RASGRP1: variants seen among roughly 807,000 people sequenced by gnomAD.
RASGRP1 encodes RAS guanyl-releasing protein 1.
RASGRP1 carries 37 observed loss-of-function variants against 95.1 expected under a neutral mutation model. The observed-to-expected ratio is 0.39, with a 90% confidence interval of 0.30 to 0.51. The LOEUF (loss-of-function observed/expected upper bound fraction) is 0.51. Among genes scored for constraint, RASGRP1 ranks in the 20% least tolerant of loss-of-function variants. The probability of loss-of-function intolerance (pLI) is 0.80; values close to 1 mark genes in which losing one functional copy is unlikely to be tolerated. For missense variants in RASGRP1, 711 were observed against 965.4 expected (o/e 0.74, Z 3.49); for synonymous variants, 325 against 353.4 (o/e 0.92, Z 0.90).
intron 2 of RASGRP1, among the ~76,000 whole-genome samples, chr15:38,535,445 G>A (rs1892607660): frequency 6.6e-6 from 1 of 152,092 alleles, no homozygotes; most frequent in Admixed American, 6.5e-5. Context: ...TCCTTAGAAA[G>A]CCTAATCCTT....
chr15:38,523,357 C>A lies in RASGRP1; in HGVS notation c.326+2942G>T, dbSNP rs759569970. On this transcript the variant is annotated intron_variant, in intron 3 of 16. Coordinates refer to ENST00000310803, the MANE Select transcript of RASGRP1 (RefSeq NM_005739.4). ...TGTATACTTGTGTCTTAGATTTTGA[C>A]AACAAAGTTTAAAAAGTTAATAAAC... is the stretch of plus-strand genomic sequence containing the variant. Among the ~76,000 whole-genome samples the A allele has an allele frequency of 1.3e-5, 2 of 151,910 alleles. 1 individual carries two copies. Among genetic ancestry groups the A allele is most frequent in the Admixed American group, 1.3e-4 (2 of 15,262 alleles).
chr15:38,501,419 G>T, intron 12 of RASGRP1, 132 bp from the exon 13 acceptor site: 1 of 1,050,774 alleles, frequency 9.5e-7, no homozygotes, highest in Non-Finnish European at 1.4e-6. Flanking sequence ...GCTACCTCAT[G>T]ATTACTTCCA....
At chr15:38,535,298 C>A (rs1382821105) in intron 2 of RASGRP1, among the ~76,000 whole-genome samples, 2 of 152,066 alleles carry the variant, frequency 1.3e-5, no homozygotes, top group Non-Finnish European at 2.9e-5. Context: ...AAGAGCTCTA[C>A]CATTTTGGCC....
chr15:38,529,663 C>A (rs1033071234), intron 2 of RASGRP1, among the ~76,000 whole-genome samples: 1 of 152,224 alleles, frequency 6.6e-6, no homozygotes, highest in South Asian at 2.1e-4. Flanking sequence ...GAGACCTGGG[C>A]CTTGTCCACT....
At chr15:38,518,570 G>A (rs1161756553) in intron 4 of RASGRP1, 147 bp from the exon 5 acceptor site, 16 of 822,202 alleles carry the variant, frequency 1.9e-5, no homozygotes, top group Non-Finnish European at 2.8e-5. Flanking sequence ...AGGAGCTGGG[G>A]TGGGAGCAGG....
intron 2 of RASGRP1, chr15:38,534,275 AC>A (rs1341362760): frequency 6.6e-6 from 1 of 152,256 alleles, no homozygotes; most frequent in Non-Finnish European, 1.5e-5. Context: ...TAAACCAAGA[AC>A]AAAAATGTTA....
At chr15:38,516,390 G>C in intron 5 of RASGRP1, 40 bp from the exon 6 acceptor site, 1 of 1,573,412 alleles carries the variant, frequency 6.4e-7, no homozygotes. Flanking sequence ...ACAGGGAAAA[G>C]GAATAAATCG....
At chr15:38,539,329 C>T (rs1452771820) in intron 2 of RASGRP1, among the ~76,000 whole-genome samples, 3 of 152,206 alleles carry the variant, frequency 2.0e-5, no homozygotes, top group Non-Finnish European at 2.9e-5. Context: ...CAGGAGTGAA[C>T]TAGGCCATGT....
intron 2 of RASGRP1, among the ~76,000 whole-genome samples, chr15:38,545,119 A>G (rs1260314977): frequency 2.0e-5 from 3 of 152,234 alleles, no homozygotes; most frequent in Non-Finnish European, 4.4e-5. Flanking sequence ...GGTTATTACT[A>G]TTGAGACATA....
At chr15:38,542,882 T>TAC (rs1311654126) in intron 2 of RASGRP1, among the ~76,000 whole-genome samples, 34 of 134,622 alleles carry the variant, frequency 2.5e-4, no homozygotes, top group African/African-American at 9.5e-4. Flanking sequence ...TGTATATATA[T>TAC]ACACATATAT....
rs780796375 is a variant in RASGRP1, at chr15:38,503,272, A to T, written c.1428T>A (p.Asp476Glu). 1 of 1,603,494 alleles carries T rather than the reference A, an allele frequency of 6.2e-7. No homozygotes were observed. The change falls in exon 11 of 17, where the codon GAT (aspartate) becomes GAA (glutamate). Residue 476 changes from aspartate to glutamate, a missense_variant and splice_region_variant. By Grantham distance (45) the Asp-to-Glu change is conservative. This residue lies in a region of RASGRP1 where 491 missense variants were observed against 676.6 expected (regional missense o/e 0.73). Coordinates refer to ENST00000310803, the MANE Select transcript of RASGRP1 (RefSeq NM_005739.4). Reference protein sequence around the residue: ...TISKHVQRMVDSVFKNYDHDQ... With the variant: ...TISKHVQRMVESVFKNYDHDQ... Reference sequence around the variant, plus strand: ...GTGTGCTGAACACAGCTGTACTTACATCCACCATCCTCTGGACGTGTTTGC... The same window carrying T: ...GTGTGCTGAACACAGCTGTACTTACTTCCACCATCCTCTGGACGTGTTTGC...
At chr15:38,499,847 C>A (rs976582180) in intron 14 of RASGRP1, among the ~76,000 whole-genome samples, 19 of 152,164 alleles carry the variant, frequency 1.2e-4, no homozygotes, top group African/African-American at 4.6e-4. Flanking sequence ...AGTGACTGCT[C>A]ATGAGATCTG....
intron 16 of RASGRP1, among the ~76,000 whole-genome samples, chr15:38,491,592 A>G (rs1250573009): frequency 1.3e-5 from 2 of 152,184 alleles, no homozygotes; most frequent in Admixed American, 6.5e-5. Flanking sequence ...TTAAAATAAT[A>G]CATAATATTT....
chr15:38,492,878 C>A (rs1296831466), intron 16 of RASGRP1, among the ~76,000 whole-genome samples: 1 of 151,604 alleles, frequency 6.6e-6, no homozygotes, highest in Non-Finnish European at 1.5e-5. Context: ...CTACTCCTCC[C>A]CACCCGCTTT....
At chr15:38,555,890 T>G (rs949591279) in intron 2 of RASGRP1, among the ~76,000 whole-genome samples, 14 of 152,196 alleles carry the variant, frequency 9.2e-5, no homozygotes, top group Non-Finnish European at 2.1e-4. Context: ...GGGCCCGTTC[T>G]GAGGCAGGTG....
chr15:38,556,135 GC>G (rs1893544138), intron 2 of RASGRP1, among the ~76,000 whole-genome samples: 1 of 152,156 alleles, frequency 6.6e-6, no homozygotes, highest in South Asian at 2.1e-4. Flanking sequence ...GTGATGATTT[GC>G]CTTATTATGC....
chr15:38,494,523 A>G lies in RASGRP1; in HGVS notation c.2118T>C (p.Leu706=), dbSNP rs1237544766. 1 of 1,598,072 alleles carries G rather than the reference A, an allele frequency of 6.3e-7. No homozygotes were observed. The highest frequency in any genetic ancestry group is 8.5e-7 in the Non-Finnish European group (1 of 1,171,902). ...TAGGACATGGAGAGGTGGGACTGGG[A>G]AGCACATATAGAGTATCCTGGGCTG... is the stretch of plus-strand genomic sequence containing the variant. ...RKTAQDTLYV[L]PSPTSPCPSP... The change falls in exon 16 of 17, where the codon CTT becomes CTC. Residue 706 remains leucine (L), a synonymous_variant. Coordinates refer to ENST00000310803, the MANE Select transcript of RASGRP1 (RefSeq NM_005739.4).
intron 8 of RASGRP1, among the ~76,000 whole-genome samples, chr15:38,508,967 C>T (rs887213320): frequency 4.6e-5 from 7 of 152,172 alleles, no homozygotes; most frequent in Non-Finnish European, 2.9e-5. Flanking sequence ...GTAACAAACC[C>T]GATTGCTGTC....
chr15:38,550,266 A>G (rs1893285043), intron 2 of RASGRP1, among the ~76,000 whole-genome samples: 1 of 151,310 alleles, frequency 6.6e-6, no homozygotes. Context: ...AAAAGAAAAG[A>G]AAAGAAAAAA....
Sources: gnomAD v4.1 joint callset for allele counts (sites outside exome capture counted in the v4.1 genomes callset) on GRCh38, gnomAD v4.1.1 for gene constraint, gnomAD v4.1.1 regional missense constraint, MANE v1.5 for transcripts, NCBI Gene and HGNC (gene_info 2026-07-23, HGNC 2026-07-21) for gene names.